KIF26B: variants seen among roughly 807,000 people sequenced by gnomAD.
KIF26B encodes kinesin-like protein KIF26B.
In KIF26B, 63 loss-of-function variants were observed where a neutral mutation model predicts 151.2. The observed-to-expected ratio is 0.42, with a 90% confidence interval of 0.34 to 0.51. The LOEUF is 0.51. Ranked by LOEUF, KIF26B falls within the 20% of genes least tolerant of loss-of-function variation. KIF26B has a pLI of 0.07. For synonymous variants in KIF26B, 1,357 were observed against 1,262.1 expected, an observed-to-expected ratio of 1.08 and a Z score of -1.59; for missense variants, 2,813 against 2,913.6, an observed-to-expected ratio of 0.97 and a Z score of 0.79.
intron 11 of KIF26B, among the ~76,000 whole-genome samples, chr1:245,684,703 G>A (rs2044486866): frequency 6.6e-6 from 1 of 152,222 alleles, no homozygotes; most frequent in Non-Finnish European, 1.5e-5. Context: ...AAACGTTGGA[G>A]GGATGGAAAA....
chr1:245,364,148 A>G (rs1672884927), intron 2 of KIF26B, among the ~76,000 whole-genome samples: 1 of 152,192 alleles, frequency 6.6e-6, no homozygotes, highest in African/African-American at 2.4e-5. Flanking sequence ...AGCCTGGGGC[A>G]ACACTGGGCG....
At chr1:245,429,648 C>T (rs918041311) in intron 4 of KIF26B, among the ~76,000 whole-genome samples, 1 of 152,192 alleles carries the variant, frequency 6.6e-6, no homozygotes, top group Admixed American at 6.5e-5. Flanking sequence ...CAGTCTCGCT[C>T]TGTCTCCCAG....
intron 5 of KIF26B, among the ~76,000 whole-genome samples, chr1:245,595,103 T>C (rs576617010): frequency 1.3e-5 from 2 of 152,356 alleles, no homozygotes; most frequent in South Asian, 2.1e-4. Flanking sequence ...AATCATGTTA[T>C]CTGCAAACAG....
intron 5 of KIF26B, among the ~76,000 whole-genome samples, chr1:245,579,456 C>A (rs952635939): frequency 6.6e-6 from 1 of 151,962 alleles, no homozygotes. Flanking sequence ...TATGATTGTA[C>A]CACTGCACTC....
intron 2 of KIF26B, among the ~76,000 whole-genome samples, chr1:245,282,056 C>T (rs2102968673): frequency 6.6e-6 from 1 of 152,144 alleles, no homozygotes; most frequent in African/African-American, 2.4e-5. Flanking sequence ...AGGACCTCTT[C>T]AAGGAGAACT....
At chr1:245,225,553 A>G (rs1669857305) in intron 2 of KIF26B, among the ~76,000 whole-genome samples, 1 of 152,176 alleles carries the variant, frequency 6.6e-6, no homozygotes, top group African/African-American at 2.4e-5. Flanking sequence ...TCCTGTTGGG[A>G]GTCAGTGACT....
chr1:245,308,860 G>A (rs1671609951), intron 2 of KIF26B, among the ~76,000 whole-genome samples: 1 of 152,354 alleles, frequency 6.6e-6, no homozygotes, highest in East Asian at 1.9e-4. Context: ...AGGTCCGCAT[G>A]TGGAATACAT....
rs1668635897 is a variant in KIF26B at position 245,167,665 on chromosome 1, T to A, written c.465+10982T>A. ...ACAACTGGAAGCAGCCACCATTGTT[T>A]AAAAAAAAAAATCACCTGCCCAGTT... On this transcript the variant is annotated intron_variant, in intron 2 of 14. Coordinates refer to ENST00000407071, the MANE Select transcript of KIF26B (RefSeq NM_018012.4). This position sits in a 1 kb window ranked among gnomAD's most constrained non-coding sequence, Gnocchi z 4.2. Among the ~76,000 whole-genome samples the A allele has an allele frequency of 1.3e-5, 2 of 148,602 alleles. No homozygotes were observed.
At chr1:245,655,096 A>G (rs2044059385) in intron 10 of KIF26B, among the ~76,000 whole-genome samples, 1 of 152,316 alleles carries the variant, frequency 6.6e-6, no homozygotes, top group African/African-American at 2.4e-5. Context: ...ATGGATTGCA[A>G]CCTGCGCCGT....
intron 2 of KIF26B, among the ~76,000 whole-genome samples, chr1:245,365,520 C>CG (rs1672926899): frequency 6.7e-6 from 1 of 149,104 alleles, no homozygotes; most frequent in African/African-American, 2.6e-5. Context: ...AACTCCCCCC[C>CG]ACCAGCCTAC....
Position 245,609,394 on chromosome 1 carries a change from C to A in KIF26B, c.1780C>A (p.Arg594=), listed in dbSNP as rs527364311. Residue 594 remains arginine (R), a synonymous_variant, in exon 8 of 15, where the codon CGG becomes AGG. Coordinates refer to ENST00000407071, the MANE Select transcript of KIF26B (RefSeq NM_018012.4). ...KEKTGARFSV[R]VSAVEVWGKE... ...AAAGACCGGCGCCCGTTTCTCAGTC[C>A]GGGTTTCCGCCGTGGAAGTGTGGGG... 2 of 1,609,254 alleles carry A rather than the reference C, an allele frequency of 1.2e-6. No homozygotes were observed. Among genetic ancestry groups the A allele is most frequent in the East Asian group, 2.2e-5 (1 of 44,738 alleles).
At chr1:245,681,257 T>C (rs1022972928) in intron 10 of KIF26B, among the ~76,000 whole-genome samples, 1 of 149,054 alleles carries the variant, frequency 6.7e-6, no homozygotes, top group African/African-American at 2.5e-5. Flanking sequence ...TCGCCCAGGC[T>C]GAAGTGCAGT....
intron 3 of KIF26B, among the ~76,000 whole-genome samples, chr1:245,382,476 C>A (rs142534007): frequency 2.0e-5 from 3 of 152,118 alleles, no homozygotes; most frequent in African/African-American, 7.2e-5. Context: ...AGATTAAGTT[C>A]ATTATTCTAA....
chr1:245,464,414 G>T (rs1306386406), intron 4 of KIF26B, among the ~76,000 whole-genome samples: 9 of 142,916 alleles, frequency 6.3e-5, no homozygotes, highest in Admixed American at 3.5e-4. Context: ...CGTATGTGGG[G>T]GTGTGTGTGG....
At chr1:245,674,997 C>G (rs561803917) in intron 10 of KIF26B, among the ~76,000 whole-genome samples, 1 of 152,344 alleles carries the variant, frequency 6.6e-6, no homozygotes, top group African/African-American at 2.4e-5. Context: ...AAACGACCCT[C>G]AGGCTCGTAA....
chr1:245,186,683 T>C (rs1219199699), intron 2 of KIF26B, among the ~76,000 whole-genome samples: 1 of 152,202 alleles, frequency 6.6e-6, no homozygotes, highest in South Asian at 2.1e-4. Flanking sequence ...AAAGTGGGAC[T>C]CTTAGTACTT....
intron 2 of KIF26B, among the ~76,000 whole-genome samples, chr1:245,276,031 C>G (rs1670929363): frequency 6.6e-6 from 1 of 152,110 alleles, no homozygotes. Flanking sequence ...AAATTTGCTT[C>G]TCTTTTGTTG....
At chr1:245,228,802 G>A (rs945776463) in intron 2 of KIF26B, among the ~76,000 whole-genome samples, 7 of 152,148 alleles carry the variant, frequency 4.6e-5, no homozygotes, top group African/African-American at 1.4e-4. Context: ...GAGGCTGCAC[G>A]CCTAGTAGTG....
intron 4 of KIF26B, among the ~76,000 whole-genome samples, chr1:245,462,471 T>C (rs1315133035): frequency 6.6e-6 from 1 of 152,190 alleles, no homozygotes; most frequent in Non-Finnish European, 1.5e-5. Flanking sequence ...TGAGTATTTA[T>C]CAGCCAGCAA....
Sources: allele counts gnomAD v4.1 joint callset (sites outside exome capture counted in the v4.1 genomes callset), GRCh38; gene constraint gnomAD v4.1.1; non-coding constraint Gnocchi (gnomAD v3.1); transcripts MANE v1.5; gene names NCBI Gene and HGNC (gene_info 2026-07-23, HGNC 2026-07-21).